CA10: variants seen among roughly 807,000 people sequenced by gnomAD.
CA10 encodes carbonic anhydrase-related protein 10.
A neutral mutation model predicts 44.2 loss-of-function variants in CA10; 14 were observed. The ratio of observed to expected loss-of-function variants is 0.32; its 90% confidence interval spans 0.21 to 0.50. The LOEUF is 0.50. Among genes scored for constraint, CA10 ranks in the 20% least tolerant of loss-of-function variants. CA10 has a pLI of 0.99. For synonymous variants in CA10, 159 were observed against 141.6 expected (o/e 1.12, Z -0.87); for missense variants, 350 against 409.7 (o/e 0.85, Z 1.26).
At chr17:51,765,732 T>TGTGC (rs1905356414) in intron 3 of CA10, among the ~76,000 whole-genome samples, 1 of 150,312 alleles carries the variant, frequency 6.7e-6, no homozygotes, top group South Asian at 2.1e-4. Context: ...TGTATGTGTG[T>TGTGC]GTGCATGCAT....
At chr17:52,021,814 A>G (rs1482422941) in intron 2 of CA10, among the ~76,000 whole-genome samples, 1 of 152,106 alleles carries the variant, frequency 6.6e-6, no homozygotes, top group Non-Finnish European at 1.5e-5. Flanking sequence ...GAAAATGGAT[A>G]AATTCCCAGG....
At chr17:51,978,209 T>A (rs1012862675) in intron 2 of CA10, among the ~76,000 whole-genome samples, 1 of 152,046 alleles carries the variant, frequency 6.6e-6, no homozygotes, top group African/African-American at 2.4e-5. Context: ...TAATCTAAAA[T>A]GGCCAGAACA....
intron 3 of CA10, among the ~76,000 whole-genome samples, chr17:51,882,630 C>T (rs1229989324): frequency 6.6e-6 from 1 of 152,122 alleles, no homozygotes. Flanking sequence ...ACTTGGTACT[C>T]ATAGGGTGAT....
At chr17:51,977,405 A>G (rs1471750737) in intron 2 of CA10, among the ~76,000 whole-genome samples, 1 of 152,002 alleles carries the variant, frequency 6.6e-6, no homozygotes, top group African/African-American at 2.4e-5. Context: ...AATTAAATTA[A>G]TGGGATTTAC....
chr17:52,155,433 A>G (rs1989785003), intron 1 of CA10, among the ~76,000 whole-genome samples: 1 of 152,210 alleles, frequency 6.6e-6, no homozygotes. Flanking sequence ...AGTGCATTGC[A>G]TTTCCTATAC....
chr17:51,697,653 G>A (rs1915447297), intron 4 of CA10, among the ~76,000 whole-genome samples: 1 of 152,120 alleles, frequency 6.6e-6, no homozygotes, highest in South Asian at 2.1e-4. Flanking sequence ...AGCCATATGA[G>A]GGCCAGGGTC....
chr17:51,789,829 C>A (rs962499847), intron 3 of CA10, among the ~76,000 whole-genome samples: 4 of 152,210 alleles, frequency 2.6e-5, no homozygotes, highest in African/African-American at 9.7e-5. Context: ...TTGTAAGGGG[C>A]CTGTGAAACC....
chr17:52,066,751 G>A (rs549627840), intron 2 of CA10, among the ~76,000 whole-genome samples: 3 of 152,130 alleles, frequency 2.0e-5, no homozygotes, highest in Non-Finnish European at 4.4e-5. Flanking sequence ...TGTTGGAAAC[G>A]GGTATAAAGG....
intron 4 of CA10, among the ~76,000 whole-genome samples, chr17:51,679,264 CTT>C (rs374164339): frequency 3.7e-5 from 5 of 136,238 alleles, no homozygotes; most frequent in Admixed American, 7.8e-5. Flanking sequence ...TTTTCTTTCT[CTT>C]TTTTTTTTTT....
intron 2 of CA10, among the ~76,000 whole-genome samples, chr17:51,936,533 A>T (rs1317475847): frequency 8.6e-6 from 1 of 115,840 alleles, no homozygotes; most frequent in East Asian, 3.2e-4. Context: ...GGCAGAGAAG[A>T]GCTGGATGTG....
intron 4 of CA10, among the ~76,000 whole-genome samples, chr17:51,692,201 A>G (rs1915219683): frequency 6.9e-6 from 1 of 145,156 alleles, no homozygotes; most frequent in Admixed American, 6.8e-5. Flanking sequence ...TTCCTTGTAG[A>G]TAGCTTTTAC....
intron 1 of CA10, among the ~76,000 whole-genome samples, chr17:52,072,716 C>CACACACACAA (rs776721118): frequency 3.2e-5 from 4 of 123,466 alleles, no homozygotes; most frequent in South Asian, 5.3e-4. Context: ...CACACACACA[C>CACACACACAA]AACACACACA....
chr17:51,643,215 G>C (rs553283697), intron 6 of CA10, among the ~76,000 whole-genome samples: 105 of 151,648 alleles, frequency 6.9e-4, no homozygotes, highest in Non-Finnish European at 1.3e-3. Flanking sequence ...AAATTGGGTA[G>C]ATAATAAAAT....
chr17:52,155,142 T>C (rs1989778608), intron 1 of CA10, among the ~76,000 whole-genome samples: 1 of 152,230 alleles, frequency 6.6e-6, no homozygotes, highest in Admixed American at 6.5e-5. Context: ...TCCAGCCTGG[T>C]GTTTCTCAAT....
At chr17:51,798,547 C>T (rs1906803117) in intron 3 of CA10, among the ~76,000 whole-genome samples, 1 of 152,218 alleles carries the variant, frequency 6.6e-6, no homozygotes, top group Non-Finnish European at 1.5e-5. Context: ...TAAGTTACTC[C>T]TTTTTGGCAC....
Position 51,827,895 on chromosome 17 carries a change from C to T in CA10, c.280-80077G>A, listed in dbSNP as rs1389774988. 2.6e-5 allele frequency among the ~76,000 whole-genome samples: 4 copies of T among 152,190 alleles called. No individual in the cohort carries two copies. The East Asian group carries it at 7.7e-4, about 29-fold the overall frequency. On this transcript the variant is annotated intron_variant, in intron 3 of 8. Coordinates refer to ENST00000451037, the MANE Select transcript of CA10 (RefSeq NM_020178.5). ...AGTCAGAAATAATGTGGACCACCTT[C>T]AAGCCTGGCCCATAAAACTCTCCCC...
At chr17:52,087,103 T>C (rs1314884748) in intron 1 of CA10, among the ~76,000 whole-genome samples, 1 of 152,198 alleles carries the variant, frequency 6.6e-6, no homozygotes, top group African/African-American at 2.4e-5. Context: ...ACACAATTAC[T>C]AGAAACCTGA....
chr17:51,960,377 G>A (rs1218312622), intron 2 of CA10, among the ~76,000 whole-genome samples: 2 of 151,906 alleles, frequency 1.3e-5, no homozygotes, highest in African/African-American at 2.4e-5. Context: ...TCTGTGGAAA[G>A]CCATAAATTT....
intron 3 of CA10, among the ~76,000 whole-genome samples, chr17:51,864,908 GA>G (rs1979476208): frequency 6.6e-6 from 1 of 152,196 alleles, no homozygotes; most frequent in Non-Finnish European, 1.5e-5. Context: ...AAGGTTTGAG[GA>G]GTGCAGTTTG....
Sources: allele counts gnomAD v4.1 joint callset (sites outside exome capture counted in the v4.1 genomes callset), GRCh38; gene constraint gnomAD v4.1.1; transcripts MANE v1.5; gene names NCBI Gene and HGNC (gene_info 2026-07-23, HGNC 2026-07-21).